EIF3E: variants seen among roughly 807,000 people sequenced by gnomAD.
The protein encoded by EIF3E is eukaryotic translation initiation factor 3 subunit E, also known as eIF-3 p48.
Under a neutral mutation model 59.3 loss-of-function variants are expected in EIF3E, and 25 were observed. That is an observed-to-expected ratio of 0.42 (90% CI 0.31 to 0.59). The LOEUF (loss-of-function observed/expected upper bound fraction) is 0.59, where lower values mean the gene tolerates loss of function less well. Ranked by LOEUF, EIF3E falls within the 20% of genes least tolerant of loss-of-function variation. The pLI is 0.15. For synonymous variants in EIF3E, 176 were observed against 170.2 expected (o/e 1.03, Z -0.26); for missense variants, 317 against 534.3 (o/e 0.59, Z 4.01).
chr8:108,206,493 G>A (rs1815102716), intron 10 of EIF3E, among the ~76,000 whole-genome samples: 1 of 152,100 alleles, frequency 6.6e-6, no homozygotes, highest in Admixed American at 6.5e-5. Flanking sequence ...ATTCTAGGCT[G>A]GATGTGGTGG....
At chr8:108,238,514 T>C (rs976009394) in intron 3 of EIF3E, among the ~76,000 whole-genome samples, 1 of 152,234 alleles carries the variant, frequency 6.6e-6, no homozygotes, top group Non-Finnish European at 1.5e-5. Flanking sequence ...ACTGTAGTTT[T>C]ATTTGTATTT....
intron 7 of EIF3E, among the ~76,000 whole-genome samples, chr8:108,222,860 C>G (rs1389975625): frequency 5.6e-5 from 8 of 143,704 alleles, no homozygotes; most frequent in African/African-American, 1.8e-4. Context: ...AAATAACAGA[C>G]TCAGTATTTG....
chr8:108,242,233 T>A, intron 1 of EIF3E: 1 of 1,300,300 alleles, frequency 7.7e-7, no homozygotes, highest in South Asian at 1.2e-5. Context: ...AGGCTGTGTA[T>A]AAATAAAACC....
chr8:108,239,636 T>C (rs544143095), intron 3 of EIF3E, among the ~76,000 whole-genome samples: 1 of 152,224 alleles, frequency 6.6e-6, no homozygotes, highest in South Asian at 2.1e-4. Flanking sequence ...ATAGCACCCC[T>C]CCAGTTATGA....
At chr8:108,205,266 C>T (rs1420073113) in intron 10 of EIF3E, among the ~76,000 whole-genome samples, 2 of 152,146 alleles carry the variant, frequency 1.3e-5, no homozygotes, top group Admixed American at 6.6e-5. Context: ...AAAGTGCACG[C>T]ACCGTATCTT....
chr8:108,220,640 C>T (rs1484120524), intron 7 of EIF3E, among the ~76,000 whole-genome samples: 1 of 152,218 alleles, frequency 6.6e-6, no homozygotes, highest in Admixed American at 6.5e-5. Flanking sequence ...CAAAAGTTAA[C>T]TTCCAGAGCC....
intron 5 of EIF3E, among the ~76,000 whole-genome samples, chr8:108,232,789 A>T (rs1229150946): frequency 6.6e-6 from 1 of 152,154 alleles, no homozygotes; most frequent in Non-Finnish European, 1.5e-5. Context: ...ATGCTAGAAG[A>T]GTTTCAATAT....
At chr8:108,236,343 A>T in intron 3 of EIF3E, 140 bp from the exon 4 acceptor site, 2 of 608,278 alleles carry the variant, frequency 3.3e-6, no homozygotes. Context: ...GAATAAAATA[A>T]GCAGGACATT....
Position 108,201,588 on chromosome 8 carries a change from C to A in EIF3E, c.*297G>T. The A allele has an allele frequency of 4.7e-6, 1 of 214,010 alleles. No homozygotes were observed. Among genetic ancestry groups the A allele is most frequent in the East Asian group, 1.1e-4 (1 of 9,496 alleles). The allele number at this position is 214,010 out of a possible 1,614,324, so 13.3% of individuals were successfully genotyped here. On this transcript the variant is annotated 3_prime_UTR_variant, in exon 13 of 13. Coordinates refer to ENST00000220849, the MANE Select transcript of EIF3E (RefSeq NM_001568.3). ...TCAACATCCTGGTTTTGATACTGTA[C>A]CATAGTAAGACAAAGTGAAAAAATT...
chr8:108,244,524 T>C (rs1345466265), intron 1 of EIF3E, among the ~76,000 whole-genome samples: 1 of 152,194 alleles, frequency 6.6e-6, no homozygotes, highest in African/African-American at 2.4e-5. Context: ...ATTTTCATCA[T>C]GTATCTCATC....
intron 1 of EIF3E, among the ~76,000 whole-genome samples, chr8:108,244,521 T>A (rs1459342724): frequency 6.6e-6 from 1 of 152,182 alleles, no homozygotes; most frequent in African/African-American, 2.4e-5. Context: ...ACAATTTTCA[T>A]CATGTATCTC....
intron 10 of EIF3E, among the ~76,000 whole-genome samples, chr8:108,210,577 C>T (rs1176161267): frequency 2.6e-5 from 4 of 152,014 alleles, no homozygotes; most frequent in Admixed American, 1.3e-4. Context: ...AACATAAATA[C>T]GTATTATTTC....
intron 7 of EIF3E, among the ~76,000 whole-genome samples, chr8:108,223,929 A>G (rs1023769430): frequency 6.6e-6 from 1 of 151,366 alleles, no homozygotes; most frequent in Non-Finnish European, 1.5e-5. Flanking sequence ...TTAAAAATAA[A>G]AAGTATGGCC....
rs142701384 is a variant in EIF3E at position 108,211,055 on chromosome 8, A to G, written c.1061+3552T>C. ...TATTGTGAATAGTGCCTCAATAAAC[A>G]TATGTGTGCACGTGTCTTTATAGCA... On this transcript the variant is annotated intron_variant, in intron 10 of 12. Coordinates refer to ENST00000220849, the MANE Select transcript of EIF3E (RefSeq NM_001568.3). Among the ~76,000 whole-genome samples the G allele has an allele frequency of 8.7e-3, 1,327 of 152,298 alleles. 16 individuals are homozygous for G. Among genetic ancestry groups the G allele is most frequent in the African/African-American group, 0.03 (1,235 of 41,564 alleles).
intron 5 of EIF3E, chr8:108,234,437 T>C (rs543932889): frequency 6.6e-6 from 1 of 152,302 alleles, no homozygotes; most frequent in Non-Finnish European, 1.5e-5. Flanking sequence ...TCATGGTTAA[T>C]AGTACCATTT....
chr8:108,226,141 G>A (rs910785654), intron 7 of EIF3E: 1 of 150,868 alleles, frequency 6.6e-6, no homozygotes, highest in Non-Finnish European at 1.5e-5. Context: ...AGGACTTACT[G>A]TATACACCAA....
intron 1 of EIF3E, 68 bp downstream of exon 1, chr8:108,248,545 C>T (rs1815994004): frequency 2.6e-6 from 4 of 1,525,828 alleles, no homozygotes; most frequent in African/African-American, 1.4e-5. Flanking sequence ...ACTACAGACA[C>T]CACCTTTCGG....
intron 3 of EIF3E, among the ~76,000 whole-genome samples, chr8:108,239,074 G>A (rs1372224862): frequency 6.6e-6 from 1 of 152,166 alleles, no homozygotes; most frequent in Non-Finnish European, 1.5e-5. Flanking sequence ...CATGGAGCTT[G>A]GAAGGGTATG....
chr8:108,211,009 G>T (rs1355873949), intron 10 of EIF3E, among the ~76,000 whole-genome samples: 1 of 152,138 alleles, frequency 6.6e-6, no homozygotes, highest in Non-Finnish European at 1.5e-5. Context: ...ATGAACATTT[G>T]GGTCGGTTCC....
Sources: allele counts gnomAD v4.1 joint callset (sites outside exome capture counted in the v4.1 genomes callset), GRCh38; gene constraint gnomAD v4.1.1; transcripts MANE v1.5; gene names NCBI Gene and HGNC (gene_info 2026-07-23, HGNC 2026-07-21).